The following PTBP1 variants were observed in gnomAD, a reference collection of about 807,000 sequenced individuals.
The protein encoded by PTBP1 is polypyrimidine tract-binding protein 1.
Under a neutral mutation model 59.8 loss-of-function variants are expected in PTBP1, and 8 were observed. The observed-to-expected ratio is 0.13, with a 90% CI of 0.08 to 0.24. The LOEUF is 0.24. Ranked by LOEUF, PTBP1 falls within the 10% of genes least tolerant of loss-of-function variation. PTBP1 has a pLI of 1.00. For synonymous variants in PTBP1, 490 were observed against 320.7 expected (o/e 1.53, Z -5.64); for missense variants, 686 against 767.0 (o/e 0.89, Z 1.25).
At position 802,120 on chromosome 19, in the gene PTBP1, G is replaced by T. The variant is rs528222510; in HGVS notation, c.40-1441G>T. On this transcript the variant is annotated intron_variant, in intron 2 of 14. Transcript: ENST00000356948. Reference sequence around the variant, plus strand: ...GACGCCCTGAGTGCTTGTGGGATTGGTGGGAGACTCAGGGCTGCAGTTAGA... The same window carrying T: ...GACGCCCTGAGTGCTTGTGGGATTGTTGGGAGACTCAGGGCTGCAGTTAGA... Among the ~76,000 whole-genome samples, 14 of 152,324 alleles carry T rather than the reference G, an allele frequency of 9.2e-5. No individual in the cohort carries two copies. The South Asian group carries it at 2.3e-3, about 25-fold the overall frequency.
intron 7 of PTBP1, 29 bp downstream of exon 7, chr19:804,968 C>T (rs1225267102): frequency 1.2e-6 from 2 of 1,611,868 alleles, no homozygotes; most frequent in South Asian, 1.1e-5. Context: ...ACGGCGCCCG[C>T]CCTGGCCCTG....
At chr19:802,381 T>G (rs901060696) in intron 2 of PTBP1, among the ~76,000 whole-genome samples, 4 of 136,724 alleles carry the variant, frequency 2.9e-5, no homozygotes, top group African/African-American at 1.1e-4. Flanking sequence ...AGGCCAGCGT[T>G]GGTGGGGGCT....
At chr19:801,360 A>G (rs1277029671) in intron 2 of PTBP1, among the ~76,000 whole-genome samples, 1 of 152,206 alleles carries the variant, frequency 6.6e-6, no homozygotes, top group Non-Finnish European at 1.5e-5. Flanking sequence ...AGCTGAGCCA[A>G]GCCGGCCTGT....
chr19:803,471 G>A, intron 2 of PTBP1, 90 bp from the exon 3 acceptor site: 1 of 1,106,042 alleles, frequency 9.0e-7, no homozygotes, highest in East Asian at 2.4e-5. Context: ...GGGACCCCAG[G>A]CAGCCCAAGT....
At chr19:802,814 A>G (rs1257610871) in intron 2 of PTBP1, among the ~76,000 whole-genome samples, 1 of 152,218 alleles carries the variant, frequency 6.6e-6, no homozygotes, top group African/African-American at 2.4e-5. Context: ...AGTCTAGTGC[A>G]ATTCTTAGAA....
chr19:810,518 G>A, intron 13 of PTBP1, 25 bp from the exon 14 acceptor site: 1 of 1,609,252 alleles, frequency 6.2e-7, no homozygotes, highest in African/African-American at 1.3e-5. Flanking sequence ...CGCGGCCCCA[G>A]GCTCACGCCT....
chr19:809,563 A>G (rs1227336282), intron 13 of PTBP1, among the ~76,000 whole-genome samples: 8 of 146,984 alleles, frequency 5.4e-5, no homozygotes, highest in Admixed American at 4.1e-4. Context: ...TTTGTGATCA[A>G]CCCGCCTCGG....
intron 13 of PTBP1, among the ~76,000 whole-genome samples, chr19:809,745 TTAGC>T (rs1326858659): frequency 2.0e-5 from 3 of 152,064 alleles, no homozygotes; most frequent in Non-Finnish European, 4.4e-5. Flanking sequence ...TTGGTTAAAA[TTAGC>T]TAGGAGTGGT....
At chr19:802,770 C>CG (rs1024595170) in intron 2 of PTBP1, among the ~76,000 whole-genome samples, 7 of 152,256 alleles carry the variant, frequency 4.6e-5, no homozygotes, top group South Asian at 2.1e-4. Context: ...ATCCTTGCAG[C>CG]GGGGGGGATG....
At chr19:799,159 T>TG (rs1327391318) in intron 1 of PTBP1, among the ~76,000 whole-genome samples, 1 of 152,178 alleles carries the variant, frequency 6.6e-6, no homozygotes, top group Non-Finnish European at 1.5e-5. Context: ...GGTCCAGAGG[T>TG]GGGGCCTGGG....
intron 13 of PTBP1, among the ~76,000 whole-genome samples, chr19:809,658 G>C (rs909379662): frequency 6.6e-6 from 1 of 152,170 alleles, no homozygotes; most frequent in South Asian, 2.1e-4. Flanking sequence ...GTGGGGGGCC[G>C]GGCAGGGGAT....
rs2034697813 is a variant in PTBP1, at chr19:808,670, C to T, written c.1371C>T (p.Gly457=). Residue 457 remains glycine, a synonymous_variant, in exon 13 of 15, where the codon GGC becomes GGT. Transcript: ENST00000356948. The surrounding 1 kb of genome is among the most constrained non-coding windows in gnomAD (Gnocchi z 4.7). The part of the protein sequence containing the change: ...QEDQGLTKDY[G]NSPLHRFKKP... ...ACCAGGGCCTGACCAAGGACTACGG[C>T]AACTCACCCCTGCACCGCTTCAAGA... 4 of 1,612,538 alleles carry T rather than the reference C, an allele frequency of 2.5e-6. No individual in the cohort carries two copies. The highest frequency in any genetic ancestry group is 3.4e-6 in the Non-Finnish European group (4 of 1,179,980).
At chr19:810,668 G>A (rs1316489832) in intron 14 of PTBP1, 26 bp from the exon 15 acceptor site, 1 of 1,611,918 alleles carries the variant, frequency 6.2e-7, no homozygotes. Flanking sequence ...CTGCCCTGCG[G>A]CCGGCCCTGA....
At chr19:805,684 A>AG in intron 9 of PTBP1, 115 bp downstream of exon 9, 1 of 887,410 alleles carries the variant, frequency 1.1e-6, no homozygotes, top group South Asian at 1.4e-5. Context: ...GTGCCAGGTC[A>AG]GGGGCCCTTC....
At chr19:810,442 C>A (rs1397083614) in intron 13 of PTBP1, 101 bp from the exon 14 acceptor site, 6 of 978,510 alleles carry the variant, frequency 6.1e-6, no homozygotes, top group Non-Finnish European at 9.2e-6. Flanking sequence ...CCTACGCCTT[C>A]CCCGGCTACT....
chr19:803,988 T>G, intron 3 of PTBP1, 48 bp from the exon 4 acceptor site: 1 of 1,607,796 alleles, frequency 6.2e-7, no homozygotes, highest in African/African-American at 1.3e-5. Flanking sequence ...CCTTCCTCTG[T>G]GGGCTCCTGC....
At chr19:805,251 G>C (rs867035879) in intron 8 of PTBP1, 64 bp downstream of exon 8, 12 of 1,568,986 alleles carry the variant, frequency 7.6e-6, no homozygotes, top group Non-Finnish European at 1.0e-5. Context: ...TCAGTCCGGA[G>C]CCCCGGCGGC....
At chr19:799,520 G>A in intron 2 of PTBP1, 77 bp downstream of exon 2, 1 of 1,462,222 alleles carries the variant, frequency 6.8e-7, no homozygotes, top group South Asian at 1.1e-5. Flanking sequence ...CCCCAGCGCT[G>A]TTGCGTTGGC....
chr19:802,933 G>A (rs779593015), intron 2 of PTBP1, among the ~76,000 whole-genome samples: 2 of 152,252 alleles, frequency 1.3e-5, no homozygotes, highest in African/African-American at 2.4e-5. Context: ...CCTAGTCACG[G>A]CCGCGATACC....
Sources: allele counts gnomAD v4.1 joint callset (sites outside exome capture counted in the v4.1 genomes callset), GRCh38; gene constraint gnomAD v4.1.1; non-coding constraint Gnocchi (gnomAD v3.1); transcripts MANE v1.5; gene names NCBI Gene and HGNC (gene_info 2026-07-23, HGNC 2026-07-21).